The following ZC3H8 variants were observed in gnomAD, a reference collection of about 807,000 sequenced individuals.
ZC3H8 encodes zinc finger CCCH domain-containing protein 8.
In ZC3H8, 27 loss-of-function variants were observed where a neutral mutation model predicts 42.5. That is an observed-to-expected ratio of 0.64 (90% CI 0.47 to 0.88). The LOEUF (loss-of-function observed/expected upper bound fraction) is 0.88. Among genes scored for constraint, ZC3H8 ranks in the 40% least tolerant of loss-of-function variants. The pLI is 0.00. For missense variants in ZC3H8, 277 were observed against 336.1 expected, an observed-to-expected ratio of 0.82 and a Z score of 1.37; for synonymous variants, 101 against 110.1, an observed-to-expected ratio of 0.92 and a Z score of 0.52.
intron 1 of ZC3H8, among the ~76,000 whole-genome samples, chr2:112,252,268 CCTT>C (rs1223413314): frequency 6.6e-6 from 1 of 152,180 alleles, no homozygotes; most frequent in African/African-American, 2.4e-5. Flanking sequence ...GAAGCCTAAT[CCTT>C]CTTGCTATCT....
intron 1 of ZC3H8, among the ~76,000 whole-genome samples, chr2:112,252,300 C>T (rs1308480441): frequency 6.6e-6 from 1 of 152,188 alleles, no homozygotes; most frequent in African/African-American, 2.4e-5. Context: ...AACACCATCC[C>T]TCTCAAGATC....
At chr2:112,253,219 T>C (rs1686017572) in intron 1 of ZC3H8, among the ~76,000 whole-genome samples, 1 of 152,184 alleles carries the variant, frequency 6.6e-6, no homozygotes, top group South Asian at 2.1e-4. Flanking sequence ...ATTCATTTTC[T>C]CAGGGCATTT....
At chr2:112,238,958 A>T (rs972276641) in intron 2 of ZC3H8, among the ~76,000 whole-genome samples, 1 of 152,358 alleles carries the variant, frequency 6.6e-6, no homozygotes, top group South Asian at 2.1e-4. Context: ...AAACACCCCA[A>T]GTAAACTGTA....
chr2:112,250,156 G>A (rs202045872), intron 2 of ZC3H8, 35 bp downstream of exon 2: 61 of 1,465,902 alleles, frequency 4.2e-5, no homozygotes, highest in East Asian at 5.0e-5. Flanking sequence ...AAAAATCTGC[G>A]TTTTCAACTT....
intron 6 of ZC3H8, 102 bp from the exon 7 acceptor site, chr2:112,232,049 C>T (rs559734901): frequency 1.6e-5 from 10 of 607,838 alleles, no homozygotes; most frequent in Middle Eastern, 4.9e-4. Context: ...TGTGGCCGGG[C>T]GAGGTGGCTC....
rs1684187835 is a variant in ZC3H8, at chr2:112,212,965, C to CCTTTTTTTTTTTTTTTTTTTTT, written c.*3518_*3519insAAAAAAAAAAAAAAAAAAAAAG. 1 of 84,918 alleles carries CCTTTTTTTTTTTTTTTTTTTTT rather than the reference C, an allele frequency of 1.2e-5. No homozygotes were observed. The highest frequency in any genetic ancestry group is 2.3e-5 in the Non-Finnish European group (1 of 43,280). 5.3% of individuals were successfully genotyped at this position (84,918 alleles called of 1,614,324 possible). On this transcript the variant is annotated 3_prime_UTR_variant, in exon 9 of 9. Coordinates refer to ENST00000409573, the MANE Select transcript of ZC3H8 (RefSeq NM_032494.3). Reference sequence around the variant, plus strand: ...CAGCAAGCACAACTCAGAAGAAATGCTTTTTTTTTTTTTTTTTTTTTTTAT... The same window carrying CCTTTTTTTTTTTTTTTTTTTTT: ...CAGCAAGCACAACTCAGAAGAAATGCCTTTTTTTTTTTTTTTTTTTTTTTTTTTTTTTTTTTTTTTTTTTTAT...
chr2:112,230,416 T>C (rs1685040053), intron 8 of ZC3H8, among the ~76,000 whole-genome samples: 2 of 152,194 alleles, frequency 1.3e-5, no homozygotes, highest in African/African-American at 4.8e-5. Flanking sequence ...CAAGAGTTAG[T>C]ATTTTTAAAA....
At chr2:112,216,986 CAAAAG>C (rs1415382485) in intron 8 of ZC3H8, among the ~76,000 whole-genome samples, 5 of 152,140 alleles carry the variant, frequency 3.3e-5, no homozygotes, top group Non-Finnish European at 5.9e-5. Context: ...ATCCACTTAT[CAAAAG>C]AAAAAGATTT....
At chr2:112,233,703 T>TAACA (rs1250415609) in intron 5 of ZC3H8, among the ~76,000 whole-genome samples, 1 of 151,966 alleles carries the variant, frequency 6.6e-6, no homozygotes, top group Non-Finnish European at 1.5e-5. Context: ...TCGTCCCTAC[T>TAACA]AACAATACAA....
At chr2:112,234,904 A>G (rs1685255058) in intron 4 of ZC3H8, among the ~76,000 whole-genome samples, 1 of 152,226 alleles carries the variant, frequency 6.6e-6, no homozygotes, top group African/African-American at 2.4e-5. Context: ...GTTGGAAATC[A>G]GAGTGAACCA....
In ZC3H8 at chr2:112,214,266, T is replaced by G. The variant is rs1395067489; in HGVS notation, c.*2218A>C. On this transcript the variant is annotated 3_prime_UTR_variant, in exon 9 of 9. Coordinates refer to ENST00000409573, the MANE Select transcript of ZC3H8 (RefSeq NM_032494.3). ...CAGCTAAGAATTGTTTTTATGAAATTATTGAGAGATTTTGCCTCCTGCTTC... is the reference window on the plus strand; with the variant it reads ...CAGCTAAGAATTGTTTTTATGAAATGATTGAGAGATTTTGCCTCCTGCTTC... 6.6e-6 allele frequency: 1 copy of G among 152,100 alleles called. No individual in the cohort carries two copies. Among genetic ancestry groups the G allele is most frequent in the Non-Finnish European group, 1.5e-5 (1 of 68,054 alleles). 9.4% of individuals were successfully genotyped at this position (152,100 alleles called of 1,614,324 possible).
intron 2 of ZC3H8, among the ~76,000 whole-genome samples, chr2:112,248,692 G>A (rs568422992): frequency 1.3e-5 from 2 of 152,186 alleles, no homozygotes; most frequent in Admixed American, 6.5e-5. Context: ...GTTTCTCCAT[G>A]TTCAAAAACA....
intron 4 of ZC3H8, among the ~76,000 whole-genome samples, chr2:112,236,047 T>A (rs562514083): frequency 6.6e-6 from 1 of 151,574 alleles, no homozygotes; most frequent in Non-Finnish European, 1.5e-5. Context: ...GTGGATCACC[T>A]GAGGTCAGGA....
intron 5 of ZC3H8, among the ~76,000 whole-genome samples, chr2:112,233,656 AG>A (rs1685188615): frequency 6.6e-6 from 1 of 152,154 alleles, no homozygotes; most frequent in Non-Finnish European, 1.5e-5. Flanking sequence ...TCATGAGGTC[AG>A]GAGATCGAGA....
chr2:112,254,880 T>G (rs1434225907), intron 1 of ZC3H8, 28 bp downstream of exon 1: 1 of 1,610,974 alleles, frequency 6.2e-7, no homozygotes, highest in South Asian at 1.1e-5. Flanking sequence ...AGCCCCTGCA[T>G]TCAAAAGATG....
chr2:112,239,579 C>CTTTTTTTTTTTT (rs200972008), intron 2 of ZC3H8, among the ~76,000 whole-genome samples: 1 of 86,488 alleles, frequency 1.2e-5, no homozygotes. Flanking sequence ...TAACAGTTTA[C>CTTTTTTTTTTTT]TTTTTTTTTT....
chr2:112,247,838 C>T (rs1207520054), intron 2 of ZC3H8, among the ~76,000 whole-genome samples: 1 of 152,092 alleles, frequency 6.6e-6, no homozygotes, highest in Admixed American at 6.6e-5. Context: ...AAGACTGAGG[C>T]CTATGTGACT....
intron 2 of ZC3H8, among the ~76,000 whole-genome samples, chr2:112,244,592 G>A (rs1685693766): frequency 6.6e-6 from 1 of 152,088 alleles, no homozygotes; most frequent in Admixed American, 6.5e-5. Flanking sequence ...AAGGTCTGTG[G>A]CAACCCTGCA....
chr2:112,233,180 T>C (rs1329768630), intron 6 of ZC3H8, 80 bp downstream of exon 6: 1 of 867,516 alleles, frequency 1.2e-6, no homozygotes, highest in African/African-American at 1.8e-5. Context: ...CCTAAAACAC[T>C]GGTTTCATTA....
Sources: allele counts gnomAD v4.1 joint callset (sites outside exome capture counted in the v4.1 genomes callset), GRCh38; gene constraint gnomAD v4.1.1; transcripts MANE v1.5; gene names NCBI Gene and HGNC (gene_info 2026-07-23, HGNC 2026-07-21).